Variants in PTP4A1 observed in about 807,000 individuals in gnomAD.
PTP4A1 encodes protein tyrosine phosphatase type IVA 1.
Under a neutral mutation model 20.5 loss-of-function variants are expected in PTP4A1, and 9 were observed. The ratio of observed to expected loss-of-function variants is 0.44; its 90% CI spans 0.26 to 0.77. The LOEUF (loss-of-function observed/expected upper bound fraction) is 0.77. Ranked by LOEUF, PTP4A1 falls within the 30% of genes least tolerant of loss-of-function variation. The probability of loss-of-function intolerance (pLI) is 0.19; values close to 1 mark genes in which losing one functional copy is unlikely to be tolerated. For synonymous variants in PTP4A1, 78 were observed against 67.4 expected, an observed-to-expected ratio of 1.16 and a Z score of -0.77; for missense variants, 137 against 218.8, an observed-to-expected ratio of 0.63 and a Z score of 2.36.
At chr6:63,556,322 T>G (rs1453120406) in intron 3 of PTP4A1, among the ~76,000 whole-genome samples, 1 of 145,248 alleles carries the variant, frequency 6.9e-6, no homozygotes, top group Non-Finnish European at 1.5e-5. Context: ...TCAAACTTGG[T>G]TTTTTTTTTT....
rs144937776 is a variant in PTP4A1 at position 63,546,123 on chromosome 6, A to C, written c.-639-4177A>C. Among the ~76,000 whole-genome samples, 178 of 152,328 alleles carry C rather than the reference A, an allele frequency of 1.2e-3. 2 individuals carry two copies. The highest frequency in any genetic ancestry group is 1.9e-3 in the Non-Finnish European group (127 of 68,026). On this transcript the variant is annotated intron_variant, in intron 2 of 3. Coordinates refer to the PTP4A1 transcript ENST00000639568. Reference sequence around the variant, plus strand: ...AATAGCCAACAAATAAAGAAAATGTAGATTTTAAAATGTGGATAAAGAAAA... The same window carrying C: ...AATAGCCAACAAATAAAGAAAATGTCGATTTTAAAATGTGGATAAAGAAAA...
chr6:63,526,671 G>A (rs977670086), intron 1 of PTP4A1, among the ~76,000 whole-genome samples: 3 of 151,282 alleles, frequency 2.0e-5, no homozygotes, highest in African/African-American at 7.3e-5. Context: ...AGCTGGACGT[G>A]GTGGCGTGTG....
chr6:63,565,022 C>G (rs1174385349), intron 3 of PTP4A1, among the ~76,000 whole-genome samples: 1 of 151,846 alleles, frequency 6.6e-6, no homozygotes, highest in African/African-American at 2.4e-5. Context: ...TTTTGTTTTT[C>G]CTTGAGAGAG....
intron 2 of PTP4A1, among the ~76,000 whole-genome samples, chr6:63,541,684 A>G (rs997928030): frequency 2.0e-5 from 3 of 152,170 alleles, no homozygotes; most frequent in African/African-American, 7.2e-5. Context: ...AGCAATTAGA[A>G]GCAATCAGAA....
chr6:63,526,388 A>C (rs1004981262), intron 1 of PTP4A1, among the ~76,000 whole-genome samples: 12 of 152,256 alleles, frequency 7.9e-5, no homozygotes, highest in African/African-American at 2.9e-4. Flanking sequence ...CTGATAACAA[A>C]GTTGAAATTC....
At chr6:63,570,129 A>G (rs1777355512), upstream of PTP4A1, among the ~76,000 whole-genome samples, 1 of 152,212 alleles carries the variant, frequency 6.6e-6, no homozygotes, top group Non-Finnish European at 1.5e-5. Flanking sequence ...TCTTGAGGTC[A>G]GGAGTTCAAA....
chr6:63,576,842 A>AT lies in PTP4A1; in HGVS notation c.-36dup, dbSNP rs1777895605. 6.6e-7 allele frequency: 1 copy of AT among 1,511,558 alleles called. No homozygotes were observed. The highest frequency in any genetic ancestry group is 1.2e-5 in the South Asian group (1 of 84,512). The allele number at this position is 1,511,558 out of a possible 1,614,324, so 93.6% of individuals were successfully genotyped here. A position where few individuals can be genotyped will look rare whatever the true frequency, so the allele number is the denominator to read the frequency against. ...ATTTCTGTATTCAATTTTTTTAATT[A>AT]TTTCATAACCCTATTGAGTGTTTTT... On this transcript the variant is annotated 5_prime_UTR_variant, in exon 2 of 6. Coordinates refer to ENST00000626021, the MANE Select transcript of PTP4A1 (RefSeq NM_003463.5).
chr6:63,581,156 T>A lies in PTP4A1; in HGVS notation c.*982T>A, dbSNP rs1220528555. On this transcript the variant is annotated 3_prime_UTR_variant, in exon 6 of 6. Transcript: ENST00000626021. ...TTGAAAGTGTGATTTTTTTTTTCCT[T>A]CCCAACCTCTCTTGCAAAAAAAGAA... The A allele has an allele frequency of 6.6e-6, 1 of 152,394 alleles. No individual in the cohort carries two copies. Among genetic ancestry groups the A allele is most frequent in the Non-Finnish European group, 1.5e-5 (1 of 67,998 alleles). 9.4% of individuals were successfully genotyped at this position (152,394 alleles called of 1,614,324 possible).
At position 63,576,830 on chromosome 6, in the gene PTP4A1, A is replaced by T; in HGVS notation, c.-51A>T. 4.8e-6 allele frequency: 7 copies of T among 1,457,784 alleles called. No homozygotes were observed. Among genetic ancestry groups the T allele is most frequent in the Non-Finnish European group, 6.6e-6 (7 of 1,056,044 alleles). The allele number at this position is 1,457,784 out of a possible 1,614,324, so 90.3% of individuals were successfully genotyped here. On this transcript the variant is annotated 5_prime_UTR_variant, in exon 2 of 6. Transcript: ENST00000626021. The stretch of plus-strand genomic sequence containing the variant: ...TTTCTTTGCATCATTTCTGTATTCA[A>T]TTTTTTTAATTATTTCATAACCCTA...
chr6:63,572,383 C>T (rs1343506087), upstream of PTP4A1: 2 of 326,266 alleles, frequency 6.1e-6, no homozygotes, highest in Non-Finnish European at 1.1e-5. Context: ...TCCGCCCCCG[C>T]CTGTCGGCTC....
intron 2 of PTP4A1, chr6:63,549,491 C>A (rs1776343618): frequency 5.1e-6 from 4 of 779,908 alleles, no homozygotes; most frequent in Non-Finnish European, 8.9e-6. Context: ...TTCCCTTGGC[C>A]TTCTTTCCTT....
At chr6:63,576,081 A>T (rs565597005) in intron 1 of PTP4A1, among the ~76,000 whole-genome samples, 2 of 150,132 alleles carry the variant, frequency 1.3e-5, no homozygotes, top group Admixed American at 6.7e-5. Context: ...TTAGAATCAT[A>T]TAATTATATA....
intron 2 of PTP4A1, 121 bp from the exon 3 acceptor site, chr6:63,578,316 T>G (rs1778003719): frequency 8.4e-7 from 1 of 1,186,918 alleles, no homozygotes; most frequent in Non-Finnish European, 1.1e-6. Flanking sequence ...GATTCTAGCA[T>G]TCTTTAAATG....
chr6:63,552,426 A>G (rs1184739104), intron 3 of PTP4A1, among the ~76,000 whole-genome samples: 1 of 151,988 alleles, frequency 6.6e-6, no homozygotes, highest in East Asian at 1.9e-4. Flanking sequence ...TGTAGATTCT[A>G]GATATTAGCC....
chr6:63,579,466 T>A, intron 5 of PTP4A1, 135 bp downstream of exon 5: 1 of 584,244 alleles, frequency 1.7e-6, no homozygotes, highest in Non-Finnish European at 2.7e-6. Flanking sequence ...GAAATCAAGA[T>A]CTTACATTCT....
At chr6:63,574,893 C>A (rs1305096149) in intron 1 of PTP4A1, among the ~76,000 whole-genome samples, 7 of 152,154 alleles carry the variant, frequency 4.6e-5, no homozygotes, top group African/African-American at 1.7e-4. Context: ...GTAATTTAGA[C>A]ACTTAATTTT....
intron 2 of PTP4A1, among the ~76,000 whole-genome samples, chr6:63,531,949 C>T (rs1291484302): frequency 1.3e-5 from 2 of 152,026 alleles, no homozygotes; most frequent in Non-Finnish European, 2.9e-5. Flanking sequence ...TACAGGCATC[C>T]ACCACCATGG....
At chr6:63,536,705 T>G (rs1440859710) in intron 2 of PTP4A1, among the ~76,000 whole-genome samples, 1 of 152,250 alleles carries the variant, frequency 6.6e-6, no homozygotes, top group African/African-American at 2.4e-5. Context: ...TTTATAGTAT[T>G]TCCTACTTAA....
upstream of PTP4A1, among the ~76,000 whole-genome samples, chr6:63,521,413 A>G (rs1287738053): frequency 1.3e-5 from 2 of 152,220 alleles, no homozygotes; most frequent in Admixed American, 6.5e-5. Context: ...TCAGAAGCTC[A>G]GGTAGGATCA....
Sources: allele counts gnomAD v4.1 joint callset (sites outside exome capture counted in the v4.1 genomes callset), GRCh38; gene constraint gnomAD v4.1.1; transcripts MANE v1.5; gene names NCBI Gene and HGNC (gene_info 2026-07-23, HGNC 2026-07-21).